The following SNX25 variants were observed in gnomAD, a reference collection of about 807,000 sequenced individuals.
The protein encoded by SNX25 is sorting nexin-25.
In SNX25, 62 loss-of-function variants were observed where a neutral mutation model predicts 113.7. The observed-to-expected ratio is 0.55, with a 90% CI of 0.44 to 0.67. SNX25 has a LOEUF of 0.67. SNX25 is among the 30% of genes least tolerant of loss of function. The probability of loss-of-function intolerance (pLI) is 0.00; values close to 1 mark genes in which losing one functional copy is unlikely to be tolerated. For synonymous variants in SNX25, 421 were observed against 436.2 expected (o/e 0.97, Z 0.43); for missense variants, 1,014 against 1,161.0 (o/e 0.87, Z 1.84).
intron 2 of SNX25, among the ~76,000 whole-genome samples, chr4:185,248,226 TTAG>T (rs1403413167): frequency 3.3e-5 from 5 of 152,210 alleles, no homozygotes; most frequent in Non-Finnish European, 5.9e-5. Context: ...AATACTTCTA[TTAG>T]TAGTTAAGGT....
intron 6 of SNX25, among the ~76,000 whole-genome samples, chr4:185,298,558 G>A (rs183222752): frequency 4.6e-5 from 7 of 151,924 alleles, no homozygotes; most frequent in Non-Finnish European, 8.8e-5. Context: ...TAATGAAGAC[G>A]CTTGACATGA....
chr4:185,221,340 A>G (rs1739810778), intron 1 of SNX25, among the ~76,000 whole-genome samples: 1 of 152,014 alleles, frequency 6.6e-6, no homozygotes, highest in Admixed American at 6.6e-5. Context: ...ACCCGGGCTA[A>G]TTAAAAAAGT....
intron 15 of SNX25, among the ~76,000 whole-genome samples, chr4:185,356,449 A>G (rs2095339629): frequency 6.6e-6 from 1 of 152,188 alleles, no homozygotes; most frequent in Non-Finnish European, 1.5e-5. Context: ...TCCCAGCCTC[A>G]ATGCCAACCT....
At chr4:185,327,817 A>G (rs777625404) in intron 9 of SNX25, among the ~76,000 whole-genome samples, 26 of 152,260 alleles carry the variant, frequency 1.7e-4, no homozygotes, top group Non-Finnish European at 2.6e-4. Flanking sequence ...TTATTAAAAA[A>G]TTACACAAGC....
At chr4:185,365,692 ATAATAATAATAAT>A (rs2095385429), downstream of SNX25, 6 of 138,798 alleles carry the variant, frequency 4.3e-5, no homozygotes, top group African/African-American at 1.1e-4. Flanking sequence ...AAAAAAAAAA[ATAATAATAATAAT>A]AATAATAATA....
chr4:185,229,877 G>A (rs1032690571), intron 1 of SNX25, among the ~76,000 whole-genome samples: 1 of 152,190 alleles, frequency 6.6e-6, no homozygotes, highest in Non-Finnish European at 1.5e-5. Flanking sequence ...CACCCAGGCT[G>A]GAGTGCAGTG....
upstream of SNX25, chr4:185,209,207 G>A (rs1737352647): frequency 6.6e-6 from 1 of 152,226 alleles, no homozygotes; most frequent in South Asian, 2.1e-4. This position sits in a 1 kb window ranked among gnomAD's most constrained non-coding sequence, Gnocchi z 5.2. Flanking sequence ...AGGGAGTCTC[G>A]GGAACGGTTG....
downstream of SNX25, among the ~76,000 whole-genome samples, chr4:185,374,690 TA>T (rs2095427377): frequency 6.6e-6 from 1 of 152,184 alleles, no homozygotes; most frequent in South Asian, 2.1e-4. Context: ...CTCTGGGATA[TA>T]AGAAATTTCC....
intron 6 of SNX25, among the ~76,000 whole-genome samples, chr4:185,309,409 C>A (rs557740704): frequency 6.6e-6 from 1 of 152,266 alleles, no homozygotes; most frequent in South Asian, 2.1e-4. Context: ...AGAGGGACAT[C>A]GTAAAAAGAG....
intron 13 of SNX25, among the ~76,000 whole-genome samples, chr4:185,348,145 C>G (rs973535564): frequency 4.6e-5 from 7 of 151,718 alleles, no homozygotes; most frequent in Non-Finnish European, 8.8e-5. Context: ...CTTTTTTTTC[C>G]TTTGCTGCAC....
chr4:185,222,183 A>G (rs1245518455), intron 1 of SNX25, among the ~76,000 whole-genome samples: 18 of 151,860 alleles, frequency 1.2e-4, no homozygotes, highest in Non-Finnish European at 2.6e-4. Context: ...CCTTCATGGT[A>G]GGTATTCAGC....
chr4:185,231,101 TG>T (rs1741771755), intron 1 of SNX25, among the ~76,000 whole-genome samples: 3 of 94,058 alleles, frequency 3.2e-5, no homozygotes, highest in Admixed American at 1.2e-4. Flanking sequence ...TCCTTTTTTT[TG>T]TTTTTTTTTT....
chr4:185,372,964 T>C (rs774730379), downstream of SNX25: 1 of 1,614,074 alleles, frequency 6.2e-7, no homozygotes, highest in Non-Finnish European at 8.5e-7. Flanking sequence ...TCTTAAGCAC[T>C]GCAGGGCAGC....
At chr4:185,318,996 CT>C (rs897558481) in intron 7 of SNX25, among the ~76,000 whole-genome samples, 5 of 152,082 alleles carry the variant, frequency 3.3e-5, no homozygotes, top group Non-Finnish European at 5.9e-5. Flanking sequence ...ACATAATTGA[CT>C]GTTGCCCTGC....
intron 17 of SNX25, 32 bp downstream of exon 17, chr4:185,362,137 A>G (rs374320400): frequency 2.6e-5 from 41 of 1,576,942 alleles, no homozygotes; most frequent in Non-Finnish European, 3.5e-5. Context: ...TGAAAAGCAT[A>G]GAGATCTGAG....
At chr4:185,212,491 G>GTGTTTCTGTT (rs546083196) in intron 1 of SNX25, among the ~76,000 whole-genome samples, 5 of 104,944 alleles carry the variant, frequency 4.8e-5, no homozygotes, top group African/African-American at 1.9e-4. Context: ...GTGTGTGTGT[G>GTGTTTCTGTT]TTTTTTTTTT....
Position 185,234,468 on chromosome 4 carries a change from G to T in SNX25, c.430-12826G>T, listed in dbSNP as rs1472427589. The stretch of plus-strand genomic sequence containing the variant: ...GAGGCCGAGGCGGGCGGATCACGAG[G>T]TCAGGAGATCGAGACCATCCTGGCT... On this transcript the variant is annotated intron_variant, in intron 1 of 18. Transcript: ENST00000652585. Among the ~76,000 whole-genome samples, 5 of 19,574 alleles carry T rather than the reference G, an allele frequency of 2.6e-4. 2 individuals are homozygous for T. Among genetic ancestry groups the T allele is most frequent in the Non-Finnish European group, 6.7e-4 (5 of 7,474 alleles). 12.8% of individuals were successfully genotyped at this position (19,574 alleles called of 152,430 possible). A position where few individuals can be genotyped will look rare whatever the true frequency, so the allele number is the denominator to read the frequency against.
At position 185,296,288 on chromosome 4, in the gene SNX25, G is replaced by A. The variant is rs143675095; in HGVS notation, c.1162+8206G>A. Among the ~76,000 whole-genome samples, 14 of 152,176 alleles carry A rather than the reference G, an allele frequency of 9.2e-5. No homozygotes were observed. The East Asian group carries it at 1.2e-3, about 13-fold the overall frequency. ...ATTCAAACCACAGCAGCAGCTAACCGTATTGCCTTTGTTCAGGATGACATA... is the reference window on the plus strand; with the variant it reads ...ATTCAAACCACAGCAGCAGCTAACCATATTGCCTTTGTTCAGGATGACATA... On this transcript the variant is annotated intron_variant, in intron 6 of 18. Coordinates refer to ENST00000652585, the MANE Select transcript of SNX25 (RefSeq NM_001378034.2).
At chr4:185,367,256 A>G (rs776653724), downstream of SNX25, 3 of 1,610,146 alleles carry the variant, frequency 1.9e-6, no homozygotes, top group Admixed American at 1.7e-5. Flanking sequence ...CTTAAAATCA[A>G]AAAGAGTCAG....
Sources: gnomAD v4.1 joint callset for allele counts (sites outside exome capture counted in the v4.1 genomes callset) on GRCh38, gnomAD v4.1.1 for gene constraint, Gnocchi (gnomAD v3.1) non-coding constraint, MANE v1.5 for transcripts, NCBI Gene and HGNC (gene_info 2026-07-23, HGNC 2026-07-21) for gene names.